The following BRAF variants were observed in gnomAD, a reference collection of about 807,000 sequenced individuals.
The protein encoded by BRAF is serine/threonine-protein kinase B-raf.
A neutral mutation model predicts 104.6 loss-of-function variants in BRAF; 16 were observed. That is an observed-to-expected ratio of 0.15 (90% CI 0.10 to 0.23). BRAF has a LOEUF of 0.23. Ranked by LOEUF, BRAF falls within the 10% of genes least tolerant of loss-of-function variation. The pLI is 1.00. For synonymous variants in BRAF, 310 were observed against 341.6 expected, an observed-to-expected ratio of 0.91 and a Z score of 1.02; for missense variants, 541 against 937.3, an observed-to-expected ratio of 0.58 and a Z score of 5.52.
chr7:140,774,099 GACAAA>G (rs1800103166), intron 14 of BRAF, among the ~76,000 whole-genome samples: 1 of 151,964 alleles, frequency 6.6e-6, no homozygotes, highest in East Asian at 1.9e-4. Context: ...GATCTTACAA[GACAAA>G]ACAAAAAGAG....
At chr7:140,791,341 G>A (rs559810517) in intron 8 of BRAF, among the ~76,000 whole-genome samples, 6 of 152,090 alleles carry the variant, frequency 3.9e-5, no homozygotes, top group Non-Finnish European at 8.8e-5. Flanking sequence ...TATCTCATTT[G>A]AATCGTAATG....
intron 14 of BRAF, 117 bp downstream of exon 13, chr7:140,776,795 T>C (rs1800376144): frequency 2.0e-6 from 2 of 1,006,016 alleles, no homozygotes; most frequent in Non-Finnish European, 3.1e-6. Context: ...GTTAGCATCC[T>C]TATGTTCCTG....
chr7:140,918,666 G>A (rs1387967771), intron 1 of BRAF, among the ~76,000 whole-genome samples: 2 of 152,032 alleles, frequency 1.3e-5, no homozygotes, highest in African/African-American at 2.4e-5. Context: ...TTTTGTGACC[G>A]GCAGAAAAAA....
rs374332631 is a variant in BRAF, at chr7:140,857,305, G to A, written c.139-7093C>T. Among the ~76,000 whole-genome samples the A allele has an allele frequency of 5.9e-5, 9 of 152,334 alleles. No homozygotes were observed. The East Asian group carries it at 1.4e-3, about 23-fold the overall frequency. ...AAATACAAGCAGTGCAGCTCTAGGA[G>A]CTGGAAAAGGCAAGAAATCAGATTT... On this transcript the variant is annotated intron_variant, in intron 1 of 19. Coordinates refer to ENST00000644969, the MANE Select transcript of BRAF (RefSeq NM_001374258.1).
At chr7:140,804,216 T>C (rs1232747220) in intron 5 of BRAF, among the ~76,000 whole-genome samples, 1 of 151,222 alleles carries the variant, frequency 6.6e-6, no homozygotes, top group East Asian at 1.9e-4. Flanking sequence ...TTTCAGAGAT[T>C]TTTTTTTTGA....
In BRAF at chr7:140,725,699, G is replaced by GA. The variant is rs34603310; in HGVS notation, c.*794dup. 118,776 of 548,798 alleles carry GA rather than the reference G, an allele frequency of 0.22. 1,081 individuals are homozygous for GA. Among genetic ancestry groups the GA allele is most frequent in the South Asian group, 0.31 (4,553 of 14,456 alleles). 34.0% of individuals were successfully genotyped at this position (548,798 alleles called of 1,614,324 possible). On this transcript the variant is annotated 3_prime_UTR_variant, in exon 20 of 20. Coordinates refer to ENST00000644969, the MANE Select transcript of BRAF (RefSeq NM_001374258.1). ...CCTGAGAATTTGCTACATTGTGGAG[G>GA]AAAAAAAAAAAACCCAAACACTTAT...
intron 11 of BRAF, 115 bp from the exon 11 acceptor site, chr7:140,781,808 A>G: frequency 2.4e-6 from 2 of 823,894 alleles, no homozygotes; most frequent in Admixed American, 4.0e-5. Flanking sequence ...GATCCCCTTA[A>G]GAAAAATTCT....
intron 2 of BRAF, among the ~76,000 whole-genome samples, chr7:140,842,702 C>T (rs1808096700): frequency 1.3e-5 from 2 of 152,086 alleles, no homozygotes; most frequent in South Asian, 4.1e-4. Flanking sequence ...ATCTTTTCTT[C>T]CTTTGGATGA....
At chr7:140,777,941 T>G (rs747785721) in intron 13 of BRAF, 50 bp downstream of exon 12, 1 of 1,543,988 alleles carries the variant, frequency 6.5e-7, no homozygotes, top group Non-Finnish European at 8.9e-7. Context: ...AACCAGGAGC[T>G]AATAAAAATA....
chr7:140,739,021 C>T (rs976574936), intron 18 of BRAF, among the ~76,000 whole-genome samples: 6 of 149,628 alleles, frequency 4.0e-5, no homozygotes, highest in Non-Finnish European at 7.4e-5. Context: ...GCAGGCTGAG[C>T]TGACAAATGC....
chr7:140,714,534 A>T (rs1057194805), downstream of BRAF, among the ~76,000 whole-genome samples: 15 of 151,886 alleles, frequency 9.9e-5, no homozygotes, highest in African/African-American at 3.6e-4. Flanking sequence ...CACTTGGCTA[A>T]TGTGTGTGTG....
intron 17 of BRAF, 191 bp from the exon 17 acceptor site, chr7:140,740,137 C>G: frequency 1.7e-6 from 1 of 595,904 alleles, no homozygotes; most frequent in Non-Finnish European, 2.9e-6. Context: ...AGTGCAAGCT[C>G]AAATCTTCAT....
At chr7:140,828,651 C>A (rs373062281) in intron 3 of BRAF, among the ~76,000 whole-genome samples, 2 of 152,102 alleles carry the variant, frequency 1.3e-5, no homozygotes, top group Non-Finnish European at 2.9e-5. Flanking sequence ...GTGGCTGTAC[C>A]ATGATTTATA....
chr7:140,814,747 AAT>A (rs1023416540), intron 3 of BRAF, among the ~76,000 whole-genome samples: 15 of 124,174 alleles, frequency 1.2e-4, no homozygotes, highest in Admixed American at 5.2e-4. Flanking sequence ...ATTTATATAC[AAT>A]ATATAACATA....
At chr7:140,795,774 T>C (rs563041370) in intron 7 of BRAF, among the ~76,000 whole-genome samples, 2 of 152,284 alleles carry the variant, frequency 1.3e-5, no homozygotes, top group South Asian at 2.1e-4. Flanking sequence ...AATAAAATAT[T>C]ATGTACTAAA....
In BRAF at chr7:140,896,761, A is replaced by G. The variant is rs568364962; in HGVS notation, c.138+27805T>C. ...TGCACCTATAGTCCCAGCTACTCGG[A>G]AGGCTGAGAGGAGAACTGCTTGAAC... On this transcript the variant is annotated intron_variant, in intron 1 of 19. Coordinates refer to ENST00000644969, the MANE Select transcript of BRAF (RefSeq NM_001374258.1). Among the ~76,000 whole-genome samples, 15 of 150,660 alleles carry G rather than the reference A, an allele frequency of 1.0e-4. No homozygotes were observed. In the South Asian group the frequency reaches 1.5e-3, roughly 15 times the overall value.
intron 1 of BRAF, among the ~76,000 whole-genome samples, chr7:140,920,579 T>C (rs1161957097): frequency 6.6e-6 from 1 of 152,218 alleles, no homozygotes; most frequent in Non-Finnish European, 1.5e-5. Flanking sequence ...ATTATCCAAA[T>C]ACATGTACAA....
chr7:140,794,311 A>G lies in BRAF; in HGVS notation c.1137T>C (p.Ile379=), dbSNP rs1802298269. The G allele has an allele frequency of 6.2e-7, 1 of 1,613,836 alleles. No homozygotes were observed. The highest frequency in any genetic ancestry group is 1.1e-5 in the South Asian group (1 of 91,072). ...VHINTIEPVN[I]DDLIRDQGFR... ...TCTAGCAATGCTGGATACTTACATC[A>G]ATATTGACAGGTTCTATTGTGTTTA... Residue 379 remains isoleucine (I), a synonymous_variant, in exon 8 of 20, where the codon ATT becomes ATC. Coordinates refer to ENST00000644969, the MANE Select transcript of BRAF (RefSeq NM_001374258.1).
At chr7:140,923,268 G>A (rs908087344) in intron 1 of BRAF, among the ~76,000 whole-genome samples, 1 of 152,028 alleles carries the variant, frequency 6.6e-6, no homozygotes, top group African/African-American at 2.4e-5. Context: ...GTAGCAAAGA[G>A]AACTTCGAGC....
Sources: gnomAD v4.1 joint callset for allele counts (sites outside exome capture counted in the v4.1 genomes callset) on GRCh38, gnomAD v4.1.1 for gene constraint, MANE v1.5 for transcripts, NCBI Gene and HGNC (gene_info 2026-07-23, HGNC 2026-07-21) for gene names.